Variants in EXPH5 observed in about 807,000 individuals in gnomAD.
EXPH5 encodes exophilin 5, also known as exophilin-5.
EXPH5 carries 42 observed loss-of-function variants against 41.1 expected under a neutral mutation model. The observed-to-expected ratio is 1.02, with a 90% CI of 0.80 to 1.32. The LOEUF (loss-of-function observed/expected upper bound fraction) is 1.32, where lower values mean the gene tolerates loss of function less well. EXPH5 is among the 40% of genes most tolerant of loss of function. The pLI, the probability that EXPH5 is intolerant of heterozygous loss-of-function variation, is 0.00. For synonymous variants in EXPH5, 798 were observed against 833.5 expected, an observed-to-expected ratio of 0.96 and a Z score of 0.73; for missense variants, 2,298 against 2,314.5, an observed-to-expected ratio of 0.99 and a Z score of 0.15.
In EXPH5 at chr11:108,513,848, A is replaced by G; in HGVS notation, c.1659T>C (p.Phe553=). 1 of 1,585,374 alleles carries G rather than the reference A, an allele frequency of 6.3e-7. No homozygotes were observed. The highest frequency in any genetic ancestry group is 8.6e-7 in the Non-Finnish European group (1 of 1,165,124). Residue 553 remains phenylalanine, a synonymous_variant, in exon 6 of 6, where the codon TTT becomes TTC. Coordinates refer to ENST00000265843, the MANE Select transcript of EXPH5 (RefSeq NM_015065.3). ...RGQEEPHPWQ[F]DFQRSTLDSM... The stretch of plus-strand genomic sequence containing the variant: ...TATCCAGTGTGGATCTCTGAAAATC[A>G]AACTGCCAAGGATGTGGCTCTTCTT...
At chr11:108,568,834 G>C (rs1380132279) in intron 1 of EXPH5, among the ~76,000 whole-genome samples, 1 of 152,064 alleles carries the variant, frequency 6.6e-6, no homozygotes, top group Non-Finnish European at 1.5e-5. Context: ...TAAATCACTT[G>C]CCTTCTCTTC....
At chr11:108,547,237 A>G (rs1220074257) in intron 1 of EXPH5, among the ~76,000 whole-genome samples, 1 of 152,014 alleles carries the variant, frequency 6.6e-6, no homozygotes, top group Non-Finnish European at 1.5e-5. Context: ...TCTGTTTTCC[A>G]GGCTGGAGTG....
In EXPH5 at chr11:108,584,441, G is replaced by T. The variant is rs151275553; in HGVS notation, c.119+8977C>A. On this transcript the variant is annotated intron_variant, in intron 1 of 5. Transcript: ENST00000265843. The stretch of plus-strand genomic sequence containing the variant: ...TGCATTGAGCCAAGATTGTGCCACC[G>T]CACTCCAGCTTAGGCGACAAAGAGA... 3.4e-3 allele frequency among the ~76,000 whole-genome samples: 522 copies of T among 151,624 alleles called. 2 individuals carry two copies. The highest frequency in any genetic ancestry group is 0.012 in the African/African-American group (492 of 41,238).
Position 108,514,472 on chromosome 11 carries a change from T to C in EXPH5, c.1035A>G (p.Pro345=). Residue 345 remains proline (P), a synonymous_variant, in exon 6 of 6, where the codon CCA becomes CCG. Coordinates refer to ENST00000265843, the MANE Select transcript of EXPH5 (RefSeq NM_015065.3). ...GHFTARSLHF[P]ATTQSKSGFI... ...ACCCACTCTTGCTCTGAGTTGTGGCTGGAAAATGTAAGCTTCTTGCTGTGA... is the reference window on the plus strand; with the variant it reads ...ACCCACTCTTGCTCTGAGTTGTGGCCGGAAAATGTAAGCTTCTTGCTGTGA... 1.9e-6 allele frequency: 3 copies of C among 1,613,344 alleles called. No homozygotes were observed. Among genetic ancestry groups the C allele is most frequent in the Admixed American group, 1.7e-5 (1 of 59,944 alleles).
chr11:108,525,955 CCCAG>C (rs1336336525), intron 4 of EXPH5, among the ~76,000 whole-genome samples: 1 of 141,586 alleles, frequency 7.1e-6, no homozygotes, highest in African/African-American at 2.7e-5. Flanking sequence ...CTCTCTGTTG[CCCAG>C]GCTGTAGTAC....
rs549903823 is a variant in EXPH5 at position 108,517,139 on chromosome 11, C to A, written c.631+1096G>T. Among the ~76,000 whole-genome samples the A allele has an allele frequency of 3.3e-5, 5 of 152,256 alleles. No individual in the cohort carries two copies. In the East Asian group the frequency reaches 9.6e-4, roughly 29 times the overall value. On this transcript the variant is annotated intron_variant, in intron 5 of 5. Coordinates refer to ENST00000265843, the MANE Select transcript of EXPH5 (RefSeq NM_015065.3). The stretch of plus-strand genomic sequence containing the variant: ...GTAACCATTCTTAACATCCCCATGA[C>A]AAGATTTTAAATTAAAGCCACTTAG...
At chr11:108,590,482 AGGTCT>A (rs2094124798) in intron 1 of EXPH5, among the ~76,000 whole-genome samples, 1 of 152,148 alleles carries the variant, frequency 6.6e-6, no homozygotes, top group Non-Finnish European at 1.5e-5. Flanking sequence ...GGAGCCAGAG[AGGTCT>A]GGTACAGATG....
At chr11:108,536,181 AC>A (rs2093878392) in intron 3 of EXPH5, among the ~76,000 whole-genome samples, 1 of 152,188 alleles carries the variant, frequency 6.6e-6, no homozygotes, top group South Asian at 2.1e-4. Context: ...CCAATCATTT[AC>A]AAATAGGATT....
rs954856927 is a variant in EXPH5 at position 108,554,658 on chromosome 11, G to A, written c.120-12846C>T. 5.9e-5 allele frequency among the ~76,000 whole-genome samples: 9 copies of A among 152,110 alleles called. No homozygotes were observed. In the East Asian group the frequency reaches 7.8e-4, roughly 13 times the overall value. On this transcript the variant is annotated intron_variant, in intron 1 of 5. Coordinates refer to ENST00000265843, the MANE Select transcript of EXPH5 (RefSeq NM_015065.3). ...GAATCATGGCCAGGCACAGTGGCTC[G>A]GGCCTGTAATCCCAGCACTTAGGGA...
At chr11:108,545,817 C>A (rs998630250) in intron 1 of EXPH5, among the ~76,000 whole-genome samples, 6 of 151,864 alleles carry the variant, frequency 4.0e-5, no homozygotes, top group African/African-American at 1.5e-4. Flanking sequence ...GCAGGAGGAT[C>A]CCTTGAGCCC....
chr11:108,564,219 C>A (rs2094025067), intron 1 of EXPH5, among the ~76,000 whole-genome samples: 1 of 152,066 alleles, frequency 6.6e-6, no homozygotes, highest in Non-Finnish European at 1.5e-5. Context: ...ACCCAGGAGG[C>A]AGAGGTTGCA....
intron 1 of EXPH5, among the ~76,000 whole-genome samples, chr11:108,560,029 T>C (rs2094005045): frequency 6.6e-6 from 1 of 152,166 alleles, no homozygotes; most frequent in Admixed American, 6.5e-5. Flanking sequence ...CTTCCCACCC[T>C]ACCCACACAC....
chr11:108,551,008 C>T (rs2093961897), intron 1 of EXPH5, among the ~76,000 whole-genome samples: 1 of 152,130 alleles, frequency 6.6e-6, no homozygotes, highest in African/African-American at 2.4e-5. Flanking sequence ...ACCCTGTCTT[C>T]GGGTGAAATC....
At chr11:108,518,692 G>T (rs890048758) in intron 4 of EXPH5, among the ~76,000 whole-genome samples, 3 of 152,178 alleles carry the variant, frequency 2.0e-5, no homozygotes, top group African/African-American at 7.2e-5. Context: ...TCGAATAGGG[G>T]CTGGGTAAAA....
intron 3 of EXPH5, among the ~76,000 whole-genome samples, chr11:108,535,418 G>A (rs1355861866): frequency 6.6e-6 from 1 of 152,128 alleles, no homozygotes; most frequent in Non-Finnish European, 1.5e-5. Context: ...AATCACAGAA[G>A]GAGCATTTCC....
intron 1 of EXPH5, among the ~76,000 whole-genome samples, chr11:108,547,083 G>A (rs1419080401): frequency 6.6e-6 from 1 of 152,168 alleles, no homozygotes; most frequent in Non-Finnish European, 1.5e-5. Flanking sequence ...TTATAGGTGT[G>A]AGCCACTGCG....
intron 4 of EXPH5, among the ~76,000 whole-genome samples, chr11:108,519,663 G>A (rs1050161495): frequency 1.3e-5 from 2 of 151,876 alleles, no homozygotes; most frequent in African/African-American, 4.8e-5. Context: ...CAGGAGAATA[G>A]CTTGAACTCG....
At chr11:108,524,634 T>C (rs905178098) in intron 4 of EXPH5, among the ~76,000 whole-genome samples, 7 of 152,144 alleles carry the variant, frequency 4.6e-5, no homozygotes, top group Admixed American at 2.0e-4. Flanking sequence ...TGTCATAGAG[T>C]AGCCTTAGAG....
chr11:108,518,010 A>G (rs559430040), intron 5 of EXPH5, among the ~76,000 whole-genome samples: 9 of 152,286 alleles, frequency 5.9e-5, no homozygotes. Flanking sequence ...CCATATATTT[A>G]TCAGTCCATG....
Sources: allele counts gnomAD v4.1 joint callset (sites outside exome capture counted in the v4.1 genomes callset), GRCh38; gene constraint gnomAD v4.1.1; transcripts MANE v1.5; gene names NCBI Gene and HGNC (gene_info 2026-07-23, HGNC 2026-07-21).